Variants in YEATS4 observed in about 807,000 individuals in gnomAD.
YEATS4 encodes the protein YEATS domain containing 4, also known as YEATS domain-containing protein 4.
A neutral mutation model predicts 30.1 loss-of-function variants in YEATS4; 17 were observed. The ratio of observed to expected loss-of-function variants is 0.56; its 90% CI spans 0.39 to 0.85. The LOEUF (loss-of-function observed/expected upper bound fraction) is 0.85, where lower values mean the gene tolerates loss of function less well. Ranked by LOEUF, YEATS4 falls within the 40% of genes least tolerant of loss-of-function variation. YEATS4 has a pLI of 0.00. For synonymous variants in YEATS4, 85 were observed against 87.5 expected (o/e 0.97, Z 0.16); for missense variants, 142 against 268.3 (o/e 0.53, Z 3.29).
At chr12:69,419,981 G>A in the YEATS4 span, among the ~76,000 whole-genome samples, 28 of 152,344 alleles carry the variant, frequency 1.8e-4, 1 homozygote, top group South Asian at 3.1e-3. Flanking sequence ...GGGCCTGAGT[G>A]GTTGAAGGTC....
the YEATS4 span, among the ~76,000 whole-genome samples, chr12:69,399,574 A>G: frequency 2.6e-5 from 4 of 152,200 alleles, no homozygotes; most frequent in African/African-American, 9.7e-5. Context: ...TGCTGTAGAA[A>G]AAGTTTCAGA....
the YEATS4 span, among the ~76,000 whole-genome samples, chr12:69,421,885 A>G: frequency 6.6e-6 from 1 of 152,202 alleles, no homozygotes; most frequent in Non-Finnish European, 1.5e-5. Flanking sequence ...CCACTTTTAA[A>G]AACACCGTGA....
chr12:69,394,284 CAAA>C (rs980723656), downstream of YEATS4, among the ~76,000 whole-genome samples: 1 of 151,710 alleles, frequency 6.6e-6, no homozygotes, highest in African/African-American at 2.4e-5. Context: ...TAAATGGAGA[CAAA>C]AAATAAAAAT....
At chr12:69,374,217 G>C (rs550756979) in intron 6 of YEATS4, among the ~76,000 whole-genome samples, 1 of 151,804 alleles carries the variant, frequency 6.6e-6, no homozygotes, top group African/African-American at 2.4e-5. Context: ...GATTGCTTTG[G>C]GAAGTATGGG....
downstream of YEATS4, among the ~76,000 whole-genome samples, chr12:69,393,971 T>C (rs936092464): frequency 6.6e-6 from 1 of 152,238 alleles, no homozygotes; most frequent in Non-Finnish European, 1.5e-5. Flanking sequence ...ATTGCATGGT[T>C]AGCATGTTTA....
intron 6 of YEATS4, among the ~76,000 whole-genome samples, chr12:69,376,164 C>T (rs1875865631): frequency 1.3e-5 from 2 of 152,022 alleles, no homozygotes; most frequent in African/African-American, 4.8e-5. Context: ...GTCAGGAGTT[C>T]AAGACCAGCC....
chr12:69,426,651 A>G, the YEATS4 span, among the ~76,000 whole-genome samples: 3 of 152,204 alleles, frequency 2.0e-5, no homozygotes, highest in Admixed American at 1.3e-4. Context: ...GATTATGGGC[A>G]TAAGCCACCG....
At chr12:69,366,743 A>C (rs774815567) in intron 4 of YEATS4, among the ~76,000 whole-genome samples, 4 of 152,124 alleles carry the variant, frequency 2.6e-5, no homozygotes, top group Non-Finnish European at 5.9e-5. Flanking sequence ...AGCACCAAAC[A>C]TTTACATTTT....
At chr12:69,407,139 TC>T in the YEATS4 span, among the ~76,000 whole-genome samples, 2 of 147,726 alleles carry the variant, frequency 1.4e-5, no homozygotes, top group Non-Finnish European at 3.0e-5. Context: ...ATTTATACAT[TC>T]TTTTTTTTTT....
At position 69,359,963 on chromosome 12, in the gene YEATS4, G is replaced by T. The variant is rs747549925; in HGVS notation, c.-10G>T. 6.2e-7 allele frequency: 1 copy of T among 1,612,328 alleles called. No individual in the cohort carries two copies. Among genetic ancestry groups the T allele is most frequent in the Non-Finnish European group, 8.5e-7 (1 of 1,179,172 alleles). Reference sequence around the variant, plus strand: ...TTCCCTGGCGGCGGCGGCTTCTTCCGTGGGACAATATGTTCAAGAGAATGG... The same window carrying T: ...TTCCCTGGCGGCGGCGGCTTCTTCCTTGGGACAATATGTTCAAGAGAATGG... On this transcript the variant is annotated 5_prime_UTR_variant, in exon 1 of 7. Coordinates refer to ENST00000247843, the MANE Select transcript of YEATS4 (RefSeq NM_006530.4).
At chr12:69,425,888 A>G in the YEATS4 span, among the ~76,000 whole-genome samples, 1 of 152,142 alleles carries the variant, frequency 6.6e-6, no homozygotes, top group South Asian at 2.1e-4. Context: ...CTTTTTCTCC[A>G]TCCCTGACTG....
the YEATS4 span, among the ~76,000 whole-genome samples, chr12:69,425,110 C>T: frequency 6.6e-5 from 10 of 151,892 alleles, no homozygotes; most frequent in African/African-American, 1.4e-4. Context: ...GTAGTAGAGA[C>T]GGGGGTTTCT....
At position 69,375,759 on chromosome 12, in the gene YEATS4, A is replaced by G. The variant is rs543949370; in HGVS notation, c.514+4784A>G. On this transcript the variant is annotated intron_variant, in intron 6 of 6. Coordinates refer to ENST00000247843, the MANE Select transcript of YEATS4 (RefSeq NM_006530.4). Reference sequence around the variant, plus strand: ...CCACCAAAAAATACAAAAACTGGTGAGGCGTGGTGGTGCGCGCCTGCAATC... The same window carrying G: ...CCACCAAAAAATACAAAAACTGGTGGGGCGTGGTGGTGCGCGCCTGCAATC... Among the ~76,000 whole-genome samples, 233 of 152,200 alleles carry G rather than the reference A, an allele frequency of 1.5e-3. 4 individuals are homozygous for G. In the South Asian group the frequency reaches 0.023, roughly 15 times the overall value.
the YEATS4 span, among the ~76,000 whole-genome samples, chr12:69,424,637 C>T: frequency 3.3e-5 from 5 of 152,168 alleles, no homozygotes; most frequent in East Asian, 1.9e-4. Context: ...ATGCTGTTCT[C>T]GTGATAGTGA....
At position 69,377,354 on chromosome 12, in the gene YEATS4, A is replaced by G. The variant is rs1313856633; in HGVS notation, c.514+6379A>G. 4.6e-5 allele frequency among the ~76,000 whole-genome samples: 7 copies of G among 152,166 alleles called. No homozygotes were observed. The East Asian group carries it at 1.2e-3, about 25-fold the overall frequency. Reference sequence around the variant, plus strand: ...GTACTGCTTTTGCTGTGTTGTTTCCATTATCTGTTTCAATAAATTTTTCAG... The same window carrying G: ...GTACTGCTTTTGCTGTGTTGTTTCCGTTATCTGTTTCAATAAATTTTTCAG... On this transcript the variant is annotated intron_variant, in intron 6 of 6. Coordinates refer to ENST00000247843, the MANE Select transcript of YEATS4 (RefSeq NM_006530.4).
At chr12:69,398,618 G>GC in the YEATS4 span, among the ~76,000 whole-genome samples, 6 of 151,666 alleles carry the variant, frequency 4.0e-5, no homozygotes, top group African/African-American at 1.5e-4. Context: ...TTCAAGACCA[G>GC]CCTGGGCAAC....
the YEATS4 span, chr12:69,400,995 A>AT: frequency 6.6e-6 from 1 of 152,218 alleles, no homozygotes; most frequent in South Asian, 2.1e-4. Flanking sequence ...CCTGTAGTGC[A>AT]CTATGCTGAT....
chr12:69,385,195 G>A (rs1282936743), intron 6 of YEATS4, among the ~76,000 whole-genome samples: 1 of 136,052 alleles, frequency 7.4e-6, no homozygotes, highest in African/African-American at 2.7e-5. Context: ...TTTTTTTTTT[G>A]TAGGGGCAGG....
At chr12:69,369,235 C>T (rs1239305104) in intron 4 of YEATS4, among the ~76,000 whole-genome samples, 1 of 152,190 alleles carries the variant, frequency 6.6e-6, no homozygotes, top group East Asian at 1.9e-4. Flanking sequence ...CTGGATTTCT[C>T]AGCTTCAGAT....
Sources: gnomAD v4.1 joint callset for allele counts (sites outside exome capture counted in the v4.1 genomes callset) on GRCh38, gnomAD v4.1.1 for gene constraint, MANE v1.5 for transcripts, NCBI Gene and HGNC (gene_info 2026-07-23, HGNC 2026-07-21) for gene names.